PTH2R: variants seen among roughly 807,000 people sequenced by gnomAD.
PTH2R encodes the protein PTH2 receptor.
In PTH2R, 59 loss-of-function variants were observed where a neutral mutation model predicts 60.3. The observed-to-expected ratio is 0.98, with a 90% CI of 0.79 to 1.22. The LOEUF is 1.22. Among genes scored for constraint, PTH2R ranks in the 50% most tolerant of loss-of-function variants. PTH2R has a pLI of 0.00. For missense variants in PTH2R, 749 were observed against 682.6 expected (o/e 1.10, Z -1.08); for synonymous variants, 256 against 243.8 (o/e 1.05, Z -0.47).
At chr2:208,388,135 C>CG (rs1030152675) in intron 1 of PTH2R, among the ~76,000 whole-genome samples, 3 of 148,368 alleles carry the variant, frequency 2.0e-5, no homozygotes, top group Non-Finnish European at 3.0e-5. Flanking sequence ...TGGTGAAACC[C>CG]CCCCCCCCGT....
At chr2:208,376,662 C>T (rs1700797309) in intron 1 of PTH2R, among the ~76,000 whole-genome samples, 1 of 151,986 alleles carries the variant, frequency 6.6e-6, no homozygotes, top group Non-Finnish European at 1.5e-5. Context: ...AGCACACATC[C>T]AAATCATCTA....
rs200317786 is a variant in PTH2R at position 208,493,681 on chromosome 2, T to G, written c.*22T>G. ...CTGAATGGACATTTGTGGCTGACTT[T>G]CATGGGCTGGTCCAATGGCTGGTTG... On this transcript the variant is annotated 3_prime_UTR_variant, in exon 13 of 13. Coordinates refer to ENST00000272847, the MANE Select transcript of PTH2R (RefSeq NM_005048.4). 4,012 of 1,528,434 alleles carry G rather than the reference T, an allele frequency of 2.6e-3. 60 individuals carry two copies. The South Asian group carries it at 0.029, about 11-fold the overall frequency. 94.7% of individuals were successfully genotyped at this position (1,528,434 alleles called of 1,614,324 possible).
chr2:208,417,512 A>G (rs553051381), intron 1 of PTH2R, among the ~76,000 whole-genome samples: 1 of 151,328 alleles, frequency 6.6e-6, no homozygotes, highest in Admixed American at 6.6e-5. Flanking sequence ...GTACTTGTTA[A>G]GAGAGAAGTA....
chr2:208,481,012 G>A, intron 9 of PTH2R, 58 bp from the exon 10 acceptor site: 3 of 1,263,378 alleles, frequency 2.4e-6, no homozygotes, highest in Non-Finnish European at 2.2e-6. Context: ...TTATGTAAAT[G>A]TTTATAAAAA....
chr2:208,439,399 C>A (rs1453770708), intron 4 of PTH2R, among the ~76,000 whole-genome samples: 1 of 151,544 alleles, frequency 6.6e-6, no homozygotes, highest in African/African-American at 2.4e-5. Flanking sequence ...TGGAAAAACC[C>A]AAGAAAACAA....
At chr2:208,421,384 G>A (rs1701753185) in intron 1 of PTH2R, among the ~76,000 whole-genome samples, 1 of 151,956 alleles carries the variant, frequency 6.6e-6, no homozygotes, top group African/African-American at 2.4e-5. Context: ...GTGTGTGTGT[G>A]TGTAGTGTCT....
intron 1 of PTH2R, among the ~76,000 whole-genome samples, chr2:208,370,857 T>C (rs1402316137): frequency 4.6e-5 from 7 of 152,038 alleles, no homozygotes; most frequent in Non-Finnish European, 5.9e-5. Context: ...GGCTCACAGT[T>C]CTGCAGGGTG....
chr2:208,365,954 ATATATATTTTTTTTTTTTTTTTTTTTTTT>A (rs1242303753), intron 1 of PTH2R, among the ~76,000 whole-genome samples: 1 of 19,050 alleles, frequency 5.2e-5, no homozygotes, highest in Non-Finnish European at 9.1e-5. Flanking sequence ...ATATATATAT[ATATATATTTTTTTTTTTTTTTTTTTTTTT>A]TTTTTTTTTT....
chr2:208,475,648 C>A (rs1004588298), intron 9 of PTH2R, among the ~76,000 whole-genome samples: 9 of 152,086 alleles, frequency 5.9e-5, no homozygotes, highest in African/African-American at 1.9e-4. Flanking sequence ...TTTAAATAAC[C>A]CTCCAGAGAA....
chr2:208,393,485 G>A (rs889796743), intron 1 of PTH2R, among the ~76,000 whole-genome samples: 4 of 152,074 alleles, frequency 2.6e-5, no homozygotes, highest in African/African-American at 9.7e-5. Context: ...TGAGTTATTG[G>A]GATTCCAATC....
chr2:208,380,921 A>G (rs1700901842), intron 1 of PTH2R, among the ~76,000 whole-genome samples: 1 of 152,084 alleles, frequency 6.6e-6, no homozygotes, highest in African/African-American at 2.4e-5. Flanking sequence ...TATTGGTGAG[A>G]AAATGGATGC....
chr2:208,426,870 T>G (rs1460232840), intron 1 of PTH2R, among the ~76,000 whole-genome samples: 2 of 152,176 alleles, frequency 1.3e-5, no homozygotes, highest in Non-Finnish European at 2.9e-5. Flanking sequence ...ACTAATACAA[T>G]GACTAAAGAT....
At position 208,428,139 on chromosome 2, in the gene PTH2R, A is replaced by G. The variant is rs1028562915; in HGVS notation, c.76-62A>G. On this transcript the variant is annotated intron_variant, in intron 1 of 12. Transcript: ENST00000272847. The stretch of plus-strand genomic sequence containing the variant: ...ATTAGATTAGAAGGTGAAATAATGA[A>G]AGCTTGTATCCTGGCTTGAAAAAAC... 5.6e-6 allele frequency: 7 copies of G among 1,259,652 alleles called. No homozygotes were observed. In the African/African-American group the frequency reaches 1.0e-4, roughly 19 times the overall value. 78.0% of individuals were successfully genotyped at this position (1,259,652 alleles called of 1,614,324 possible). A position where few individuals can be genotyped will look rare whatever the true frequency, so the allele number is the denominator to read the frequency against.
intron 1 of PTH2R, chr2:208,361,465 G>C (rs1299080065): frequency 6.6e-6 from 1 of 152,200 alleles, no homozygotes; most frequent in Non-Finnish European, 1.5e-5. Context: ...AGTAAAAAAT[G>C]CATAATGCAA....
intron 2 of PTH2R, among the ~76,000 whole-genome samples, chr2:208,433,423 T>A (rs1702012775): frequency 6.6e-6 from 1 of 152,212 alleles, no homozygotes; most frequent in Admixed American, 6.5e-5. Context: ...TTTAAGGAAT[T>A]TCCATTTTTA....
At chr2:208,431,388 C>T (rs1701969207) in intron 2 of PTH2R, among the ~76,000 whole-genome samples, 1 of 152,150 alleles carries the variant, frequency 6.6e-6, no homozygotes, top group South Asian at 2.1e-4. Flanking sequence ...CTGACCACCA[C>T]ACATGGTGGC....
At chr2:208,453,353 A>G (rs1351644023) in intron 8 of PTH2R, among the ~76,000 whole-genome samples, 2 of 152,362 alleles carry the variant, frequency 1.3e-5, no homozygotes, top group East Asian at 1.9e-4. Flanking sequence ...GGTGAAAACC[A>G]TAACTACAAA....
At chr2:208,389,322 G>C (rs1475242841) in intron 1 of PTH2R, among the ~76,000 whole-genome samples, 1 of 150,120 alleles carries the variant, frequency 6.7e-6, no homozygotes, top group Non-Finnish European at 1.5e-5. Flanking sequence ...CAGCTCTATG[G>C]CTTTATATAT....
At chr2:208,373,154 AAAGAG>A (rs1700733868) in intron 1 of PTH2R, among the ~76,000 whole-genome samples, 1 of 152,146 alleles carries the variant, frequency 6.6e-6, no homozygotes, top group South Asian at 2.1e-4. Context: ...GGCTAAAACA[AAAGAG>A]AAGAAAAATA....
Sources: gnomAD v4.1 joint callset for allele counts (sites outside exome capture counted in the v4.1 genomes callset) on GRCh38, gnomAD v4.1.1 for gene constraint, MANE v1.5 for transcripts, NCBI Gene and HGNC (gene_info 2026-07-23, HGNC 2026-07-21) for gene names.